The following PRKN variants were observed in gnomAD, a reference collection of about 807,000 sequenced individuals.
PRKN encodes E3 ubiquitin-protein ligase parkin.
In PRKN, 56 loss-of-function variants were observed where a neutral mutation model predicts 59.5. The observed-to-expected ratio is 0.94, with a 90% CI of 0.76 to 1.18. PRKN has a LOEUF of 1.18. Ranked by LOEUF, PRKN falls within the 50% of genes most tolerant of loss-of-function variation. The probability of loss-of-function intolerance (pLI) is 0.00; values close to 1 mark genes in which losing one functional copy is unlikely to be tolerated. For missense variants in PRKN, 657 were observed against 596.4 expected, an observed-to-expected ratio of 1.10 and a Z score of -1.06; for synonymous variants, 250 against 222.1, an observed-to-expected ratio of 1.13 and a Z score of -1.12.
chr6:161,617,201 T>C (rs1782730585), intron 7 of PRKN, among the ~76,000 whole-genome samples: 1 of 152,240 alleles, frequency 6.6e-6, no homozygotes, highest in Admixed American at 6.5e-5. Flanking sequence ...GCCGCGTAAA[T>C]GTCTTCTTTT....
chr6:162,459,165 T>C (rs1218726236), intron 1 of PRKN, among the ~76,000 whole-genome samples: 2 of 152,134 alleles, frequency 1.3e-5, no homozygotes, highest in Non-Finnish European at 2.9e-5. Context: ...TACTGATTCA[T>C]GCATTAAAAA....
chr6:162,233,931 A>G (rs1355743460), intron 3 of PRKN, among the ~76,000 whole-genome samples: 1 of 152,222 alleles, frequency 6.6e-6, no homozygotes, highest in Non-Finnish European at 1.5e-5. Flanking sequence ...TTCTAGAAGC[A>G]TGAGCCCAAT....
chr6:162,363,973 C>T (rs2128134780), intron 2 of PRKN, among the ~76,000 whole-genome samples: 1 of 152,332 alleles, frequency 6.6e-6, no homozygotes, highest in South Asian at 2.1e-4. Flanking sequence ...TGCAAATCCA[C>T]CCATGAGTAA....
intron 7 of PRKN, among the ~76,000 whole-genome samples, chr6:161,761,946 C>T (rs1026977873): frequency 1.3e-5 from 2 of 152,160 alleles, no homozygotes; most frequent in African/African-American, 4.8e-5. Flanking sequence ...GAGGACAGGA[C>T]ATTTGGCCTA....
Position 162,204,484 on chromosome 6 carries a change from G to C in PRKN, c.413-3232C>G, listed in dbSNP as rs546188628. On this transcript the variant is annotated intron_variant, in intron 3 of 11. Transcript: ENST00000366898. ...AAAAACAATTTAGAAAAAAATATCA[G>C]ATGAAGGATTCAATCCACTTGTAGG... Among the ~76,000 whole-genome samples the C allele has an allele frequency of 1.3e-3, 201 of 152,258 alleles. 1 individual carries two copies. Among genetic ancestry groups the C allele is most frequent in the African/African-American group, 4.5e-3 (189 of 41,542 alleles).
At chr6:161,899,798 G>A (rs1777814171) in intron 6 of PRKN, among the ~76,000 whole-genome samples, 2 of 152,170 alleles carry the variant, frequency 1.3e-5, no homozygotes, top group Non-Finnish European at 2.9e-5. Flanking sequence ...TTGTGGGATT[G>A]AGTACAGCAG....
At chr6:161,946,062 A>G (rs1779763056) in intron 6 of PRKN, among the ~76,000 whole-genome samples, 1 of 152,146 alleles carries the variant, frequency 6.6e-6, no homozygotes, top group Non-Finnish European at 1.5e-5. Context: ...TAAATGCTTA[A>G]TAAATATTTT....
intron 5 of PRKN, among the ~76,000 whole-genome samples, chr6:162,039,130 T>A (rs1783962416): frequency 6.7e-6 from 1 of 150,238 alleles, no homozygotes; most frequent in South Asian, 2.1e-4. Context: ...CACTCCAGCC[T>A]GGGCGACAGA....
intron 9 of PRKN, among the ~76,000 whole-genome samples, chr6:161,512,086 G>T (rs1211342457): frequency 6.6e-6 from 1 of 152,170 alleles, no homozygotes; most frequent in Non-Finnish European, 1.5e-5. Flanking sequence ...AGCTTGATGG[G>T]AATAAGAACA....
chr6:161,944,042 GGACC>G (rs1562407606), intron 6 of PRKN, among the ~76,000 whole-genome samples: 506 of 144,554 alleles, frequency 3.5e-3, no homozygotes, highest in African/African-American at 0.012. Context: ...TCAGCCTGAG[GGACC>G]AGCCTGAGGG....
At chr6:162,193,418 C>A (rs1784369661) in intron 4 of PRKN, among the ~76,000 whole-genome samples, 1 of 152,132 alleles carries the variant, frequency 6.6e-6, no homozygotes, top group Admixed American at 6.6e-5. Flanking sequence ...TTGCCCAGGT[C>A]CCCACATAGA....
At chr6:161,874,143 A>T (rs560910324) in intron 6 of PRKN, among the ~76,000 whole-genome samples, 15 of 47,390 alleles carry the variant, frequency 3.2e-4, no homozygotes, top group East Asian at 1.9e-3. Context: ...TTATATGTAA[A>T]ATATAATATA....
chr6:162,388,839 T>C (rs1356047761), intron 2 of PRKN, among the ~76,000 whole-genome samples: 1 of 152,008 alleles, frequency 6.6e-6, no homozygotes, highest in Non-Finnish European at 1.5e-5. Flanking sequence ...AGCCCAAATG[T>C]AGAATATAAA....
At chr6:162,091,416 AT>A (rs1286132782) in intron 4 of PRKN, among the ~76,000 whole-genome samples, 2 of 152,212 alleles carry the variant, frequency 1.3e-5, no homozygotes, top group African/African-American at 4.8e-5. Context: ...GAGATTTACT[AT>A]GAAAATCAGA....
At chr6:161,536,144 G>A (rs985989621) in intron 9 of PRKN, among the ~76,000 whole-genome samples, 1 of 152,040 alleles carries the variant, frequency 6.6e-6, no homozygotes, top group African/African-American at 2.4e-5. Context: ...ATAAATGCCT[G>A]TGTGCCCATT....
At chr6:161,848,486 ACAGT>A (rs1282082113) in intron 6 of PRKN, among the ~76,000 whole-genome samples, 1 of 152,218 alleles carries the variant, frequency 6.6e-6, no homozygotes, top group African/African-American at 2.4e-5. Flanking sequence ...TATATAAATC[ACAGT>A]CAAACATTTT....
At chr6:162,478,716 A>G (rs1187621602) in intron 1 of PRKN, among the ~76,000 whole-genome samples, 2 of 152,178 alleles carry the variant, frequency 1.3e-5, no homozygotes, top group East Asian at 3.8e-4. Flanking sequence ...GCGACTCCAC[A>G]CCTAGGCTCT....
intron 6 of PRKN, among the ~76,000 whole-genome samples, chr6:161,816,891 T>A (rs1421881685): frequency 6.6e-6 from 1 of 152,170 alleles, no homozygotes; most frequent in Non-Finnish European, 1.5e-5. Flanking sequence ...GGGTTCAGTA[T>A]ATGCCTTGAT....
At chr6:162,245,512 A>C (rs1182294618) in intron 3 of PRKN, among the ~76,000 whole-genome samples, 1 of 151,732 alleles carries the variant, frequency 6.6e-6, no homozygotes, top group Non-Finnish European at 1.5e-5. Flanking sequence ...ATCTAATATA[A>C]TATAATATAA....
Sources: gnomAD v4.1 joint callset for allele counts (sites outside exome capture counted in the v4.1 genomes callset) on GRCh38, gnomAD v4.1.1 for gene constraint, MANE v1.5 for transcripts, NCBI Gene and HGNC (gene_info 2026-07-23, HGNC 2026-07-21) for gene names.